The following HEMK2 variants were observed in gnomAD, a reference collection of about 807,000 sequenced individuals.
HEMK2 encodes the protein methyltransferase HEMK2.
At chr21:28,610,563 T>C in the HEMK2 span, among the ~76,000 whole-genome samples, 1 of 152,126 alleles carries the variant, frequency 6.6e-6, no homozygotes, top group Non-Finnish European at 1.5e-5. Flanking sequence ...TTAATACTAA[T>C]GTTGAATGTA....
the HEMK2 span, among the ~76,000 whole-genome samples, chr21:28,608,303 T>C: frequency 7.7e-3 from 1,172 of 151,996 alleles, 24 homozygotes; most frequent in African/African-American, 0.027. Context: ...ATTTTCACTT[T>C]AGGGTATCAA....
the HEMK2 span, among the ~76,000 whole-genome samples, chr21:28,687,413 T>C: frequency 1.3e-5 from 2 of 152,206 alleles, no homozygotes; most frequent in Non-Finnish European, 2.9e-5. Context: ...TACAGAAACT[T>C]AGGGTTTTGT....
At chr21:28,827,805 G>A in the HEMK2 span, among the ~76,000 whole-genome samples, 1 of 152,138 alleles carries the variant, frequency 6.6e-6, no homozygotes, top group Non-Finnish European at 1.5e-5. Flanking sequence ...ATTGCATGCT[G>A]CTTTTAATAC....
the HEMK2 span, among the ~76,000 whole-genome samples, chr21:28,745,470 CAGTT>C: frequency 6.6e-6 from 1 of 152,196 alleles, no homozygotes; most frequent in Non-Finnish European, 1.5e-5. Flanking sequence ...CTGGCCCCGT[CAGTT>C]AGAGGGCTCA....
the HEMK2 span, chr21:28,876,574 AG>A: frequency 5.2e-6 from 4 of 775,652 alleles, no homozygotes; most frequent in African/African-American, 7.2e-5. Flanking sequence ...AGTTAAACAC[AG>A]ATGATTTATA....
the HEMK2 span, among the ~76,000 whole-genome samples, chr21:28,627,831 C>T: frequency 7.9e-5 from 12 of 152,144 alleles, no homozygotes; most frequent in African/African-American, 2.9e-4. Flanking sequence ...TTGAAAGTAC[C>T]ACTGATTGGT....
the HEMK2 span, among the ~76,000 whole-genome samples, chr21:28,860,893 T>C: frequency 3.3e-5 from 5 of 152,310 alleles, no homozygotes; most frequent in East Asian, 9.6e-4. Context: ...GTTTATTTGC[T>C]TGATTAGCTG....
At chr21:28,663,541 T>C in the HEMK2 span, among the ~76,000 whole-genome samples, 1 of 152,230 alleles carries the variant, frequency 6.6e-6, no homozygotes, top group Admixed American at 6.5e-5. Flanking sequence ...AGCAATGATA[T>C]ATGGACCTCA....
chr21:28,874,178 A>G, the HEMK2 span: 7 of 152,246 alleles, frequency 4.6e-5, no homozygotes, highest in African/African-American at 1.7e-4. Flanking sequence ...TTCCATGATC[A>G]TGGGCCCACT....
At chr21:28,867,592 C>T in the HEMK2 span, among the ~76,000 whole-genome samples, 1 of 152,164 alleles carries the variant, frequency 6.6e-6, no homozygotes, top group South Asian at 2.1e-4. Context: ...GCTTTTGGGT[C>T]AGAGACAAGG....
the HEMK2 span, among the ~76,000 whole-genome samples, chr21:28,622,345 G>A: frequency 3.9e-5 from 6 of 152,042 alleles, no homozygotes; most frequent in African/African-American, 1.4e-4. Context: ...CAAACAAATG[G>A]AAAAACATTC....
chr21:28,738,881 G>A, the HEMK2 span, among the ~76,000 whole-genome samples: 1 of 152,222 alleles, frequency 6.6e-6, no homozygotes, highest in Admixed American at 6.5e-5. Flanking sequence ...GACAAAACAA[G>A]ACAGTTGGTG....
the HEMK2 span, among the ~76,000 whole-genome samples, chr21:28,826,738 C>T: frequency 6.6e-6 from 1 of 152,238 alleles, no homozygotes; most frequent in Non-Finnish European, 1.5e-5. Flanking sequence ...CAACTAACTC[C>T]TGCAAAATGC....
chr21:28,755,857 T>C, the HEMK2 span, among the ~76,000 whole-genome samples: 2 of 152,220 alleles, frequency 1.3e-5, no homozygotes, highest in African/African-American at 4.8e-5. Context: ...CTCTCTCTTA[T>C]ACCCAGATGC....
At chr21:28,834,678 T>C in the HEMK2 span, among the ~76,000 whole-genome samples, 2 of 152,154 alleles carry the variant, frequency 1.3e-5, no homozygotes, top group South Asian at 2.1e-4. Context: ...AAATCCGGCA[T>C]GCAGACTCCA....
chr21:28,821,154 T>G, the HEMK2 span, among the ~76,000 whole-genome samples: 1 of 152,208 alleles, frequency 6.6e-6, no homozygotes, highest in Non-Finnish European at 1.5e-5. Flanking sequence ...TTGAAGATTT[T>G]TCCTGCCAAC....
At chr21:28,804,552 T>C in the HEMK2 span, among the ~76,000 whole-genome samples, 3 of 152,200 alleles carry the variant, frequency 2.0e-5, no homozygotes, top group East Asian at 3.9e-4. Flanking sequence ...CTGGGCAACA[T>C]AGGGAGACCC....
At chr21:28,831,458 A>AAAGAAAGAAAGAAAAGAACGAAC in the HEMK2 span, among the ~76,000 whole-genome samples, 1 of 37,514 alleles carries the variant, frequency 2.7e-5, no homozygotes, top group Non-Finnish European at 4.0e-5. Context: ...AAGAAAGAAA[A>AAAGAAAGAAAGAAAAGAACGAAC]GAACGAAAGA....
At chr21:28,864,812 C>CAGATAGATAGAT in the HEMK2 span, among the ~76,000 whole-genome samples, 255 of 113,942 alleles carry the variant, frequency 2.2e-3, 1 homozygote, top group Middle Eastern at 4.3e-3. Flanking sequence ...CTCTGAAAGA[C>CAGATAGATAGAT]AGACAGACAG....
Sources: allele counts gnomAD v4.1 joint callset (sites outside exome capture counted in the v4.1 genomes callset), GRCh38; gene constraint gnomAD v4.1.1; transcripts MANE v1.5; gene names NCBI Gene and HGNC (gene_info 2026-07-23, HGNC 2026-07-21).